PEX13: variants seen among roughly 807,000 people sequenced by gnomAD.
The protein encoded by PEX13 is peroxisome biogenesis factor 13.
A neutral mutation model predicts 34.5 loss-of-function variants in PEX13; 28 were observed. The ratio of observed to expected loss-of-function variants is 0.81; its 90% confidence interval spans 0.60 to 1.11. The LOEUF (loss-of-function observed/expected upper bound fraction) is 1.11, where lower values mean the gene tolerates loss of function less well. Among genes scored for constraint, PEX13 ranks in the 50% most tolerant of loss-of-function variants. The probability of loss-of-function intolerance (pLI) is 0.00; values close to 1 mark genes in which losing one functional copy is unlikely to be tolerated. For missense variants in PEX13, 550 were observed against 491.0 expected (o/e 1.12, Z -1.13); for synonymous variants, 177 against 175.1 (o/e 1.01, Z -0.09).
At chr2:61,028,204 G>A (rs944808530) in intron 1 of PEX13, among the ~76,000 whole-genome samples, 31 of 152,048 alleles carry the variant, frequency 2.0e-4, no homozygotes, top group Non-Finnish European at 2.9e-4. Flanking sequence ...TCACAAATGC[G>A]CCTCCTAAAG....
At chr2:61,022,325 A>G (rs2104796513) in intron 1 of PEX13, among the ~76,000 whole-genome samples, 1 of 152,342 alleles carries the variant, frequency 6.6e-6, no homozygotes, top group East Asian at 1.9e-4. Context: ...CAGTGTAGAG[A>G]AGACCTTAAA....
rs1243246824 is a variant in PEX13, at chr2:61,017,722, T to G, written c.-38T>G. On this transcript the variant is annotated 5_prime_UTR_variant, in exon 1 of 4. Transcript: ENST00000295030. ...TGCTGGTCTACGCGGGCCTGGACAG[T>G]CAGGGGTAGGAGCGGGAGCCGAGAG... 6.6e-7 allele frequency: 1 copy of G among 1,522,862 alleles called. No individual in the cohort carries two copies. 94.3% of individuals were successfully genotyped at this position (1,522,862 alleles called of 1,614,324 possible). A position where few individuals can be genotyped will look rare whatever the true frequency, so the allele number is the denominator to read the frequency against.
chr2:61,040,940 A>G (rs577239723), intron 2 of PEX13, among the ~76,000 whole-genome samples: 1 of 151,912 alleles, frequency 6.6e-6, no homozygotes, highest in African/African-American at 2.4e-5. Context: ...GAAGAGACCA[A>G]TCAGGAGAGT....
intron 2 of PEX13, 43 bp from the exon 3 acceptor site, chr2:61,045,683 T>C: frequency 6.3e-7 from 1 of 1,593,946 alleles, no homozygotes; most frequent in Non-Finnish European, 8.6e-7. Context: ...TCTGCATTTT[T>C]CTTTTGTAAA....
At chr2:61,036,396 C>G (rs1680535343) in intron 2 of PEX13, among the ~76,000 whole-genome samples, 1 of 152,144 alleles carries the variant, frequency 6.6e-6, no homozygotes, top group Non-Finnish European at 1.5e-5. Flanking sequence ...GCCGGATTAC[C>G]CACAAAGGGA....
intron 2 of PEX13, among the ~76,000 whole-genome samples, 178 bp from the exon 3 acceptor site, chr2:61,045,548 A>C (rs1680692566): frequency 6.6e-6 from 1 of 152,236 alleles, no homozygotes; most frequent in African/African-American, 2.4e-5. Flanking sequence ...GAAAAAGTTC[A>C]TAATAGGTAT....
rs182072772 is a variant in PEX13, at chr2:61,035,083, C to A, written c.787+2970C>A. 6.2e-4 allele frequency among the ~76,000 whole-genome samples: 94 copies of A among 152,334 alleles called. No individual in the cohort carries two copies. The East Asian group carries it at 0.015, about 25-fold the overall frequency. On this transcript the variant is annotated intron_variant, in intron 2 of 3. Transcript: ENST00000295030. ...CACAGTAGGGGTCAACAGACACCTT[C>A]AACAGGCGGGTGCCCTTCTGGGACA...
intron 1 of PEX13, among the ~76,000 whole-genome samples, chr2:61,026,902 G>A (rs923469550): frequency 2.0e-5 from 3 of 152,038 alleles, no homozygotes; most frequent in Admixed American, 6.6e-5. Context: ...GTCATTTTGA[G>A]TAGTAATTTT....
At chr2:61,042,514 GTA>G (rs1680641506) in intron 2 of PEX13, among the ~76,000 whole-genome samples, 1 of 152,052 alleles carries the variant, frequency 6.6e-6, no homozygotes, top group Non-Finnish European at 1.5e-5. Context: ...AAAAAAAACT[GTA>G]TTTATTATAC....
chr2:61,018,827 G>A (rs1680177519), intron 1 of PEX13: 1 of 152,072 alleles, frequency 6.6e-6, no homozygotes, highest in Non-Finnish European at 1.5e-5. Context: ...CCTTTTTTTT[G>A]AGTGGGTTCT....
chr2:61,033,414 G>T (rs1170888015), intron 2 of PEX13, among the ~76,000 whole-genome samples: 1 of 152,020 alleles, frequency 6.6e-6, no homozygotes, highest in Non-Finnish European at 1.5e-5. Flanking sequence ...TTTAAATTTG[G>T]GTTATTAGAA....
Position 61,017,863 on chromosome 2 carries a change from A to T in PEX13, c.92+12A>T. ...GGCCCCACTTTCCAGTGAGTGTGGGATTCTTCAGGCTGTGAGTTTAGTGGG... is the reference window on the plus strand; with the variant it reads ...GGCCCCACTTTCCAGTGAGTGTGGGTTTCTTCAGGCTGTGAGTTTAGTGGG... On this transcript the variant is annotated intron_variant, in intron 1 of 3. Transcript: ENST00000295030. 6.5e-7 allele frequency: 1 copy of T among 1,549,854 alleles called. No individual in the cohort carries two copies. The highest frequency in any genetic ancestry group is 1.4e-5 in the African/African-American group (1 of 73,150).
At chr2:61,040,464 T>C (rs990424274) in intron 2 of PEX13, among the ~76,000 whole-genome samples, 2 of 152,010 alleles carry the variant, frequency 1.3e-5, no homozygotes, top group Admixed American at 6.6e-5. Flanking sequence ...GAAACCATCA[T>C]TCCCAGCAAA....
At chr2:61,038,898 C>G (rs561200430) in intron 2 of PEX13, among the ~76,000 whole-genome samples, 2 of 152,114 alleles carry the variant, frequency 1.3e-5, no homozygotes, top group East Asian at 1.9e-4. Context: ...GATAAGCAAC[C>G]TCAGCAAAGT....
chr2:61,020,238 C>G (rs2104794978), intron 1 of PEX13, among the ~76,000 whole-genome samples: 1 of 152,182 alleles, frequency 6.6e-6, no homozygotes, highest in East Asian at 1.9e-4. Context: ...ACAACAACAA[C>G]AACAAAAAAC....
intron 2 of PEX13, among the ~76,000 whole-genome samples, chr2:61,035,682 G>A (rs1334986437): frequency 6.6e-6 from 1 of 152,066 alleles, no homozygotes; most frequent in Non-Finnish European, 1.5e-5. Flanking sequence ...GCACACACAA[G>A]CTTCAATAGC....
intron 3 of PEX13, 105 bp from the exon 4 acceptor site, chr2:61,048,367 T>A: frequency 1.1e-6 from 1 of 893,976 alleles, no homozygotes; most frequent in East Asian, 2.5e-5. Flanking sequence ...TGTTATCTAC[T>A]ATGTAAGCAT....
At chr2:61,028,728 T>C (rs936460560) in intron 1 of PEX13, among the ~76,000 whole-genome samples, 2 of 152,120 alleles carry the variant, frequency 1.3e-5, no homozygotes, top group Admixed American at 1.3e-4. Flanking sequence ...GTTGACTCTT[T>C]AGAAGGTCAG....
chr2:61,047,104 A>AG (rs564141949), intron 3 of PEX13, among the ~76,000 whole-genome samples: 1 of 151,922 alleles, frequency 6.6e-6, no homozygotes, highest in South Asian at 2.1e-4. Flanking sequence ...CCTTGTCTCA[A>AG]GAAAAAAAAA....
Sources: gnomAD v4.1 joint callset for allele counts (sites outside exome capture counted in the v4.1 genomes callset) on GRCh38, gnomAD v4.1.1 for gene constraint, MANE v1.5 for transcripts, NCBI Gene and HGNC (gene_info 2026-07-23, HGNC 2026-07-21) for gene names.